The following TMPRSS9 variants were observed in gnomAD, a reference collection of about 807,000 sequenced individuals.
TMPRSS9 encodes transmembrane serine protease 9, also known as transmembrane protease serine 9.
A neutral mutation model predicts 111.4 loss-of-function variants in TMPRSS9; 113 were observed. The observed-to-expected ratio is 1.01, with a 90% CI of 0.87 to 1.19. The LOEUF (loss-of-function observed/expected upper bound fraction) is 1.19. Among genes scored for constraint, TMPRSS9 ranks in the 50% most tolerant of loss-of-function variants. TMPRSS9 has a pLI of 0.00. For missense variants in TMPRSS9, 1,803 were observed against 1,513.1 expected, an observed-to-expected ratio of 1.19 and a Z score of -3.18; for synonymous variants, 805 against 659.1, an observed-to-expected ratio of 1.22 and a Z score of -3.39.
intron 13 of TMPRSS9, among the ~76,000 whole-genome samples, chr19:2,420,315 G>A (rs916710135): frequency 2.0e-5 from 3 of 151,918 alleles, no homozygotes; most frequent in African/African-American, 7.3e-5. Flanking sequence ...GGTGGCGGGT[G>A]CTGGTAATTC....
intron 13 of TMPRSS9, 142 bp downstream of exon 14, chr19:2,418,280 TTCCTTTCC>T (rs1599311938): frequency 3.2e-6 from 2 of 621,572 alleles, no homozygotes; most frequent in Non-Finnish European, 4.6e-6. Flanking sequence ...TTCCCTCCTT[TTCCTTTCC>T]TCCTTTCCTT....
Position 2,424,266 on chromosome 19 carries a change from C to A in TMPRSS9, c.2717+9C>A, listed in dbSNP as rs775905553. The A allele has an allele frequency of 7.4e-7, 1 of 1,354,854 alleles. No individual in the cohort carries two copies. Among genetic ancestry groups the A allele is most frequent in the Non-Finnish European group, 9.6e-7 (1 of 1,042,918 alleles). 83.9% of individuals were successfully genotyped at this position (1,354,854 alleles called of 1,614,324 possible). On this transcript the variant is annotated intron_variant, in intron 15 of 17. Transcript: ENST00000648592. ...GCGCACTGCTTCGACGTGTGAGTTCCAAACGCTCCAAATGCCCCTACATGT... is the reference window on the plus strand; with the variant it reads ...GCGCACTGCTTCGACGTGTGAGTTCAAAACGCTCCAAATGCCCCTACATGT...
chr19:2,406,110 A>G (rs922142498), intron 7 of TMPRSS9, among the ~76,000 whole-genome samples: 1 of 144,434 alleles, frequency 6.9e-6, no homozygotes, highest in African/African-American at 2.6e-5. Flanking sequence ...TCCCGGGTTC[A>G]CGCCATTCTC....
chr19:2,396,931 T>G (rs1399037609), intron 2 of TMPRSS9, among the ~76,000 whole-genome samples: 5 of 151,898 alleles, frequency 3.3e-5, no homozygotes, highest in Middle Eastern at 6.8e-3. Context: ...TTTTTTCTTT[T>G]TTTTCTTGAG....
intron 7 of TMPRSS9, 40 bp downstream of exon 8, chr19:2,405,585 T>C (rs747196313): frequency 2.7e-6 from 4 of 1,468,266 alleles, no homozygotes; most frequent in Admixed American, 5.3e-5. Context: ...GAACCCTCTG[T>C]ATTTCTCCTG....
upstream of TMPRSS9, among the ~76,000 whole-genome samples, chr19:2,389,365 G>A (rs969578721): frequency 2.8e-5 from 4 of 145,094 alleles, no homozygotes; most frequent in South Asian, 2.1e-4. Context: ...ATAAGCCACC[G>A]CATCTGGTCT....
At chr19:2,406,397 G>A (rs946153311) in intron 7 of TMPRSS9, among the ~76,000 whole-genome samples, 4 of 151,476 alleles carry the variant, frequency 2.6e-5, no homozygotes, top group African/African-American at 9.7e-5. Context: ...TGCGATCTCA[G>A]CTCACTGCAA....
In TMPRSS9 at chr19:2,415,562, C is replaced by A. The variant is rs560784794; in HGVS notation, c.1574-108C>A. On this transcript the variant is annotated intron_variant, in intron 10 of 17. Transcript: ENST00000648592. ...TTCTTGTGTGGAACGGGAGGGATTG[C>A]GGCATCTTCAGGGCCTGGCTGCAAC... 1.2e-5 allele frequency: 13 copies of A among 1,054,788 alleles called. 1 individual carries two copies. In the Admixed American group the frequency reaches 1.6e-4, roughly 13 times the overall value. 65.3% of individuals were successfully genotyped at this position (1,054,788 alleles called of 1,614,324 possible).
At chr19:2,399,114 G>A in exon 4 of TMPRSS9, 1 of 1,613,656 alleles carries the variant, frequency 6.2e-7, no homozygotes, top group Non-Finnish European at 8.5e-7. Context: ...AGCTATTGCA[G>A]CGAGGGATCC....
At chr19:2,398,436 G>A (rs1970755047) in intron 2 of TMPRSS9, among the ~76,000 whole-genome samples, 1 of 151,692 alleles carries the variant, frequency 6.6e-6, no homozygotes. Context: ...GGCCAACATA[G>A]TGAAACCCCA....
At chr19:2,392,527 G>A (rs1407034974) in intron 1 of TMPRSS9, among the ~76,000 whole-genome samples, 1 of 152,242 alleles carries the variant, frequency 6.6e-6, no homozygotes, top group East Asian at 1.9e-4. Context: ...GTAACATGGT[G>A]AAACCCTGTC....
At chr19:2,425,571 A>G (rs1971602326) in intron 17 of TMPRSS9, 78 bp downstream of exon 18, 3 of 1,412,872 alleles carry the variant, frequency 2.1e-6, no homozygotes, top group African/African-American at 3.0e-5. Flanking sequence ...CACGAAGCCC[A>G]CCATCCGGGA....
At chr19:2,413,970 G>A (rs1284715052) in exon 10 of TMPRSS9, 2 of 1,610,256 alleles carry the variant, frequency 1.2e-6, no homozygotes, top group East Asian at 2.2e-5. Context: ...ATCGATGCAG[G>A]CCCTCAGTAC....
At chr19:2,370,041 C>G (rs1970276689) in intron 1 of TMPRSS9, among the ~76,000 whole-genome samples, 3 of 152,024 alleles carry the variant, frequency 2.0e-5, no homozygotes, top group African/African-American at 7.2e-5. Context: ...AACCCCTTCT[C>G]TACTGAAAAT....
chr19:2,389,374 CTT>C (rs1165662530), upstream of TMPRSS9, among the ~76,000 whole-genome samples: 85 of 105,364 alleles, frequency 8.1e-4, no homozygotes, highest in African/African-American at 2.5e-3. Flanking sequence ...CGCATCTGGT[CTT>C]TTTTTTTTTT....
upstream of TMPRSS9, among the ~76,000 whole-genome samples, chr19:2,389,127 G>C (rs1400994570): frequency 6.7e-6 from 1 of 149,218 alleles, no homozygotes; most frequent in South Asian, 2.1e-4. Flanking sequence ...AGGCTGGAGT[G>C]CAGTGGCGTG....
intron 11 of TMPRSS9, chr19:2,416,271 TGG>T: frequency 1.4e-5 from 7 of 488,544 alleles, no homozygotes; most frequent in East Asian, 6.5e-5. Context: ...TGTAGGGGGT[TGG>T]GGGGGGGCAT....
intron 1 of TMPRSS9, among the ~76,000 whole-genome samples, chr19:2,361,255 G>T (rs2145232451): frequency 2.6e-5 from 2 of 77,056 alleles, no homozygotes; most frequent in Middle Eastern, 6.4e-3. Context: ...CTGGGGTAGG[G>T]TGCAGGGTTG....
At chr19:2,395,140 G>C (rs530677210) in intron 1 of TMPRSS9, among the ~76,000 whole-genome samples, 1 of 152,100 alleles carries the variant, frequency 6.6e-6, no homozygotes, top group East Asian at 1.9e-4. Flanking sequence ...AATTAACGCT[G>C]GGTGCAGTGG....
Sources: gnomAD v4.1 joint callset for allele counts (sites outside exome capture counted in the v4.1 genomes callset) on GRCh38, gnomAD v4.1.1 for gene constraint, MANE v1.5 for transcripts, NCBI Gene and HGNC (gene_info 2026-07-23, HGNC 2026-07-21) for gene names.